The following CAAP1 variants were observed in gnomAD, a reference collection of about 807,000 sequenced individuals.
CAAP1 encodes the protein conserved anti-apoptotic protein.
A neutral mutation model predicts 34.0 loss-of-function variants in CAAP1; 20 were observed. That is an observed-to-expected ratio of 0.59 (90% CI 0.41 to 0.86). The LOEUF (loss-of-function observed/expected upper bound fraction) is 0.86. Among genes scored for constraint, CAAP1 ranks in the 40% least tolerant of loss-of-function variants. The pLI, the probability that CAAP1 is intolerant of heterozygous loss-of-function variation, is 0.00. For synonymous variants in CAAP1, 213 were observed against 166.7 expected, an observed-to-expected ratio of 1.28 and a Z score of -2.14; for missense variants, 538 against 450.5, an observed-to-expected ratio of 1.19 and a Z score of -1.76.
chr9:26,845,743 C>T (rs1170556530), intron 5 of CAAP1, among the ~76,000 whole-genome samples: 8 of 152,204 alleles, frequency 5.3e-5, no homozygotes, highest in Non-Finnish European at 7.3e-5. Flanking sequence ...TGTTTTATGG[C>T]TGCAGTGTCC....
intron 5 of CAAP1, among the ~76,000 whole-genome samples, chr9:26,852,334 A>T (rs1011496650): frequency 2.0e-5 from 3 of 152,052 alleles, no homozygotes; most frequent in Non-Finnish European, 4.4e-5. Flanking sequence ...GTGCACCTAT[A>T]ATCCCAACTA....
intron 4 of CAAP1, among the ~76,000 whole-genome samples, chr9:26,864,893 A>G (rs1823095061): frequency 6.6e-6 from 1 of 152,216 alleles, no homozygotes; most frequent in Non-Finnish European, 1.5e-5. Context: ...GATTTTCTGA[A>G]AAACTGTTAT....
At chr9:26,885,527 G>A (rs917015190) in intron 3 of CAAP1, among the ~76,000 whole-genome samples, 1 of 151,952 alleles carries the variant, frequency 6.6e-6, no homozygotes. Flanking sequence ...ACTGGAAACT[G>A]AAAGGCTCCA....
intron 1 of CAAP1, chr9:26,892,113 C>T: frequency 1.6e-6 from 1 of 606,276 alleles, no homozygotes; most frequent in Non-Finnish European, 2.6e-6. Flanking sequence ...TGAAGGCTAG[C>T]TTCCAACTCG....
At chr9:26,847,941 T>A (rs377469858) in intron 5 of CAAP1, among the ~76,000 whole-genome samples, 60 of 152,310 alleles carry the variant, frequency 3.9e-4, no homozygotes, top group African/African-American at 1.4e-3. Flanking sequence ...ATACGTATGT[T>A]CAATTTGCTG....
At chr9:26,888,819 T>C (rs1020871165) in intron 1 of CAAP1, among the ~76,000 whole-genome samples, 3 of 152,234 alleles carry the variant, frequency 2.0e-5, no homozygotes, top group East Asian at 1.9e-4. Flanking sequence ...ATTATTCATA[T>C]AGCCAAAAGG....
intron 4 of CAAP1, among the ~76,000 whole-genome samples, chr9:26,883,626 G>C (rs1456251348): frequency 6.6e-6 from 1 of 152,082 alleles, no homozygotes; most frequent in Non-Finnish European, 1.5e-5. Context: ...TTTTTAAAAA[G>C]GGATAACAAA....
intron 5 of CAAP1, among the ~76,000 whole-genome samples, chr9:26,852,846 T>A (rs886500381): frequency 3.9e-5 from 6 of 152,120 alleles, no homozygotes; most frequent in African/African-American, 9.7e-5. Context: ...CAGGTAACAT[T>A]TGATCAGGAA....
At chr9:26,850,281 ACT>A (rs1255169081) in intron 5 of CAAP1, among the ~76,000 whole-genome samples, 1 of 151,714 alleles carries the variant, frequency 6.6e-6, no homozygotes, top group Non-Finnish European at 1.5e-5. Flanking sequence ...CTTCCTGAAA[ACT>A]CTCTCTCTCA....
chr9:26,860,962 C>T, intron 5 of CAAP1, 104 bp downstream of exon 5: 1 of 799,236 alleles, frequency 1.3e-6, no homozygotes, highest in South Asian at 1.5e-5. Flanking sequence ...CTCTCTTCCT[C>T]TATCTGTAAA....
At position 26,892,442 on chromosome 9, in the gene CAAP1, A is replaced by T. The variant is rs760235093; in HGVS notation, c.274T>A (p.Ser92Thr). ...TGCAAGGAGCCCGAGACGCTGGAAG[A>T]GTCGGTACTCCTCCGCTTCCGGCGC... is the stretch of plus-strand genomic sequence containing the variant. ...SERRKRRSTD[S>T]SSVSGSLQQE... Residue 92 changes from serine to threonine, a missense_variant, in exon 1 of 6, where the codon TCT becomes ACT. Coordinates refer to ENST00000333916, the MANE Select transcript of CAAP1 (RefSeq NM_024828.4). 14 of 1,599,152 alleles carry T rather than the reference A, an allele frequency of 8.8e-6. No individual in the cohort carries two copies. Among genetic ancestry groups the T allele is most frequent in the African/African-American group, 1.3e-5 (1 of 74,776 alleles).
In CAAP1 at chr9:26,863,544, AGT is replaced by A. The variant is rs200959520; in HGVS notation, c.666-2407_666-2406del. 1.7e-3 allele frequency among the ~76,000 whole-genome samples: 262 copies of A among 152,230 alleles called. 3 individuals carry two copies. Among genetic ancestry groups the A allele is most frequent in the African/African-American group, 6.0e-3 (248 of 41,540 alleles). On this transcript the variant is annotated intron_variant, in intron 4 of 5. Transcript: ENST00000333916. Reference sequence around the variant, plus strand: ...TATGTGTACAGGTCTTTTTATTTCTAGTTTTATGAAAATAAAAATTTTGTCCA... The same window carrying A: ...TATGTGTACAGGTCTTTTTATTTCTATTTATGAAAATAAAAATTTTGTCCA...
At chr9:26,882,734 C>T in intron 4 of CAAP1, among the ~76,000 whole-genome samples, 1 of 152,142 alleles carries the variant, frequency 6.6e-6, no homozygotes, top group Admixed American at 6.5e-5. Flanking sequence ...AAGCCTCAGA[C>T]ACTCAACACC....
At chr9:26,863,796 C>T (rs1341844518) in intron 4 of CAAP1, among the ~76,000 whole-genome samples, 1 of 143,406 alleles carries the variant, frequency 7.0e-6, no homozygotes, top group South Asian at 2.2e-4. Context: ...AAAAAAAAAG[C>T]CTGTTTTTCT....
intron 4 of CAAP1, among the ~76,000 whole-genome samples, chr9:26,873,362 C>A (rs1405191979): frequency 6.6e-6 from 1 of 152,214 alleles, no homozygotes; most frequent in Admixed American, 6.5e-5. Flanking sequence ...TAGGAAAATG[C>A]AGCACCATTT....
intron 4 of CAAP1, chr9:26,880,323 G>A: frequency 3.1e-6 from 1 of 325,874 alleles, no homozygotes. Flanking sequence ...GAAGTCCTGA[G>A]CAATTTCTCA....
At chr9:26,890,336 A>AC (rs1465901803) in intron 1 of CAAP1, among the ~76,000 whole-genome samples, 2 of 151,712 alleles carry the variant, frequency 1.3e-5, no homozygotes, top group Admixed American at 1.3e-4. Context: ...GTGCCACTGC[A>AC]CTCCAGCCTG....
rs573251934 is a variant in CAAP1 at position 26,876,358 on chromosome 9, G to A, written c.665+8452C>T. ...ATCCTTAACTTAATCAATCACATCA[G>A]CAAAGTCTCTTTTGTCTTTTGAAAG... On this transcript the variant is annotated intron_variant, in intron 4 of 5. Transcript: ENST00000333916. 5.3e-5 allele frequency among the ~76,000 whole-genome samples: 8 copies of A among 151,982 alleles called. No homozygotes were observed. The South Asian group carries it at 1.0e-3, about 20-fold the overall frequency.
chr9:26,843,881 T>C (rs901910382), intron 5 of CAAP1, among the ~76,000 whole-genome samples: 1 of 152,214 alleles, frequency 6.6e-6, no homozygotes, highest in African/African-American at 2.4e-5. Context: ...AAATTATTTT[T>C]GTGTCCATAA....
Sources: gnomAD v4.1 joint callset for allele counts (sites outside exome capture counted in the v4.1 genomes callset) on GRCh38, gnomAD v4.1.1 for gene constraint, MANE v1.5 for transcripts, NCBI Gene and HGNC (gene_info 2026-07-23, HGNC 2026-07-21) for gene names.